Variants in NEGR1 observed in about 807,000 individuals in gnomAD.
The protein encoded by NEGR1 is IgLON family member 4.
In NEGR1, 10 loss-of-function variants were observed where a neutral mutation model predicts 40.9. That is an observed-to-expected ratio of 0.24 (90% CI 0.15 to 0.42). NEGR1 has a LOEUF of 0.42. Ranked by LOEUF, NEGR1 falls within the 10% of genes least tolerant of loss-of-function variation. The pLI is 1.00. For missense variants in NEGR1, 352 were observed against 438.9 expected (o/e 0.80, Z 1.77); for synonymous variants, 185 against 166.8 (o/e 1.11, Z -0.84).
chr1:71,451,632 T>C (rs991411150), intron 6 of NEGR1, among the ~76,000 whole-genome samples: 2 of 152,088 alleles, frequency 1.3e-5, no homozygotes, highest in Non-Finnish European at 2.9e-5. Context: ...GTGGTATCAC[T>C]ACTTACTCCA....
At chr1:72,116,682 C>T (rs1237170137) in intron 1 of NEGR1, among the ~76,000 whole-genome samples, 1 of 151,602 alleles carries the variant, frequency 6.6e-6, no homozygotes, top group Non-Finnish European at 1.5e-5. Context: ...TTCTGACTTA[C>T]AGGTAACTTA....
chr1:72,158,054 A>G (rs964880027), intron 1 of NEGR1, among the ~76,000 whole-genome samples: 3 of 152,152 alleles, frequency 2.0e-5, no homozygotes, highest in African/African-American at 7.2e-5. Context: ...ACAGGTCTAT[A>G]TGGGAAAAAG....
chr1:72,093,329 C>CAAAAAAAAAAAAAAAAAAAA (rs11370565), intron 1 of NEGR1, among the ~76,000 whole-genome samples: 2 of 118,862 alleles, frequency 1.7e-5, no homozygotes, highest in African/African-American at 8.1e-5. Context: ...GACTCTGCCT[C>CAAAAAAAAAAAAAAAAAAAA]AAAAAAAAAA....
intron 6 of NEGR1, among the ~76,000 whole-genome samples, chr1:71,578,536 ACATCT>A (rs1173364523): frequency 6.6e-6 from 1 of 152,118 alleles, no homozygotes; most frequent in Non-Finnish European, 1.5e-5. Flanking sequence ...AAGGTGTTAT[ACATCT>A]ATATAGAAAA....
intron 1 of NEGR1, among the ~76,000 whole-genome samples, chr1:72,091,402 TCCTC>T (rs1442219819): frequency 1.6e-5 from 2 of 126,570 alleles, no homozygotes; most frequent in East Asian, 5.6e-4. Context: ...CTCCCTCCCT[TCCTC>T]CCTTCCTTCT....
At chr1:71,783,538 T>G (rs1656794596) in intron 2 of NEGR1, among the ~76,000 whole-genome samples, 1 of 152,070 alleles carries the variant, frequency 6.6e-6, no homozygotes, top group Non-Finnish European at 1.5e-5. Context: ...ATCCCCTCAC[T>G]CAGAGATAGT....
rs11370565 is a variant in NEGR1 at position 72,093,329 on chromosome 1, C to CAAAAAAAAAAAAAA, written c.177-158032_177-158019dup. Among the ~76,000 whole-genome samples the CAAAAAAAAAAAAAA allele has an allele frequency of 1.5e-3, 178 of 118,428 alleles. 4 individuals are homozygous for CAAAAAAAAAAAAAA. Among genetic ancestry groups the CAAAAAAAAAAAAAA allele is most frequent in the East Asian group, 3.8e-3 (16 of 4,230 alleles). The allele number at this position is 118,428 out of a possible 152,430, so 77.7% of individuals were successfully genotyped here. A position where few individuals can be genotyped will look rare whatever the true frequency, so the allele number is the denominator to read the frequency against. On this transcript the variant is annotated intron_variant, in intron 1 of 6. Coordinates refer to ENST00000357731, the MANE Select transcript of NEGR1 (RefSeq NM_173808.3). Reference sequence around the variant, plus strand: ...CTGGTGCCAGAGCTAGACTCTGCCTCAAAAAAAAAAAAAAGATGCTCAAAT... The same window carrying CAAAAAAAAAAAAAA: ...CTGGTGCCAGAGCTAGACTCTGCCTCAAAAAAAAAAAAAAAAAAAAAAAAAAAAGATGCTCAAAT...
chr1:71,478,622 T>C (rs1243313409), intron 6 of NEGR1, among the ~76,000 whole-genome samples: 4 of 152,008 alleles, frequency 2.6e-5, no homozygotes, highest in Admixed American at 2.6e-4. Flanking sequence ...ATCCTATTCC[T>C]CTGGACATAG....
chr1:71,455,499 G>A (rs186929071), intron 6 of NEGR1, among the ~76,000 whole-genome samples: 1 of 152,300 alleles, frequency 6.6e-6, no homozygotes, highest in Non-Finnish European at 1.5e-5. Context: ...GGATGAGGCA[G>A]GCAGATCACA....
intron 2 of NEGR1, among the ~76,000 whole-genome samples, chr1:71,823,027 TC>T (rs1658489740): frequency 1.3e-5 from 2 of 151,976 alleles, no homozygotes; most frequent in African/African-American, 4.8e-5. Flanking sequence ...TGGTGCTGCG[TC>T]CCTGTTAGGA....
intron 1 of NEGR1, among the ~76,000 whole-genome samples, chr1:72,171,929 T>G (rs1651978375): frequency 6.6e-6 from 1 of 152,180 alleles, no homozygotes; most frequent in Non-Finnish European, 1.5e-5. Context: ...GAACCCAGTA[T>G]TTTCTATAAT....
At chr1:72,137,075 T>A (rs149990458) in intron 1 of NEGR1, among the ~76,000 whole-genome samples, 1 of 152,062 alleles carries the variant, frequency 6.6e-6, no homozygotes. Flanking sequence ...AGAATGGCGA[T>A]CATTAAAAAG....
At chr1:71,864,507 AT>A (rs1293953882) in intron 2 of NEGR1, among the ~76,000 whole-genome samples, 2 of 152,142 alleles carry the variant, frequency 1.3e-5, no homozygotes, top group Non-Finnish European at 2.9e-5. Context: ...GACTAAAGTA[AT>A]TTTTCCTGAT....
chr1:71,710,860 A>G (rs545581110), intron 3 of NEGR1, among the ~76,000 whole-genome samples: 1 of 152,242 alleles, frequency 6.6e-6, no homozygotes, highest in African/African-American at 2.4e-5. Flanking sequence ...ACTTAATTGT[A>G]TATTTTAAAT....
At chr1:72,030,592 C>A (rs1646849406) in intron 1 of NEGR1, among the ~76,000 whole-genome samples, 1 of 151,970 alleles carries the variant, frequency 6.6e-6, no homozygotes, top group South Asian at 2.1e-4. Context: ...ATAAGTAAGA[C>A]AAAGCAAGCA....
chr1:71,872,150 T>C (rs552749869), intron 2 of NEGR1, among the ~76,000 whole-genome samples: 168 of 152,314 alleles, frequency 1.1e-3, no homozygotes, highest in African/African-American at 3.9e-3. Context: ...TAAATTAACC[T>C]TATGATAATA....
chr1:71,620,745 G>A (rs1650583614), intron 4 of NEGR1, among the ~76,000 whole-genome samples: 1 of 151,828 alleles, frequency 6.6e-6, no homozygotes, highest in Admixed American at 6.6e-5. Context: ...ATTCACAGGG[G>A]ATGAAAATAA....
At chr1:72,034,791 G>C (rs1646888471) in intron 1 of NEGR1, among the ~76,000 whole-genome samples, 1 of 152,144 alleles carries the variant, frequency 6.6e-6, no homozygotes, top group Admixed American at 6.5e-5. Context: ...TTTTTAGTCA[G>C]CTTGAAAGGG....
At chr1:71,738,768 T>A (rs959187291) in intron 3 of NEGR1, among the ~76,000 whole-genome samples, 4 of 152,080 alleles carry the variant, frequency 2.6e-5, no homozygotes, top group African/African-American at 9.7e-5. Context: ...TGATATGTCT[T>A]ATATTTTAAA....
Sources: allele counts gnomAD v4.1 joint callset (sites outside exome capture counted in the v4.1 genomes callset), GRCh38; gene constraint gnomAD v4.1.1; transcripts MANE v1.5; gene names NCBI Gene and HGNC (gene_info 2026-07-23, HGNC 2026-07-21).